DMC1: variants seen among roughly 807,000 people sequenced by gnomAD.
DMC1 encodes DNA meiotic recombinase 1, also known as meiotic recombination protein DMC1 homolog.
A neutral mutation model predicts 50.1 loss-of-function variants in DMC1; 27 were observed. The observed-to-expected ratio is 0.54, with a 90% CI of 0.40 to 0.74. DMC1 has a LOEUF of 0.74. Ranked by LOEUF, DMC1 falls within the 30% of genes least tolerant of loss-of-function variation. DMC1 has a pLI of 0.00. For missense variants in DMC1, 295 were observed against 420.2 expected (o/e 0.70, Z 2.60); for synonymous variants, 148 against 136.1 (o/e 1.09, Z -0.61).
Position 38,538,456 on chromosome 22 carries a change from G to A in DMC1, c.661-47C>T, listed in dbSNP as rs11570425. Reference sequence around the variant, plus strand: ...ATAAACATGCATTTGGAAATTGAAGGAAGACGTTATTTGAATAGAGATCAA... The same window carrying A: ...ATAAACATGCATTTGGAAATTGAAGAAAGACGTTATTTGAATAGAGATCAA... On this transcript the variant is annotated intron_variant, in intron 10 of 13. Coordinates refer to ENST00000216024, the MANE Select transcript of DMC1 (RefSeq NM_007068.4). The A allele has an allele frequency of 2.6e-4, 417 of 1,606,952 alleles. 1 individual carries two copies. The Admixed American group carries it at 3.9e-3, about 15-fold the overall frequency.
At chr22:38,532,894 C>T (rs566672728) in intron 12 of DMC1, among the ~76,000 whole-genome samples, 1 of 152,158 alleles carries the variant, frequency 6.6e-6, no homozygotes, top group Non-Finnish European at 1.5e-5. Context: ...AGGCGTGAGC[C>T]ACCGTGCTTG....
intron 8 of DMC1, among the ~76,000 whole-genome samples, chr22:38,544,290 T>C (rs949423098): frequency 4.6e-5 from 7 of 152,336 alleles, no homozygotes; most frequent in South Asian, 4.1e-4. Context: ...CTGCCTTTCA[T>C]TCTATTCAAA....
intron 8 of DMC1, among the ~76,000 whole-genome samples, chr22:38,541,804 G>A (rs1343714464): frequency 6.6e-6 from 1 of 151,858 alleles, no homozygotes; most frequent in Non-Finnish European, 1.5e-5. Flanking sequence ...TGTAAAACTT[G>A]GGCTTAAATC....
intron 8 of DMC1, 107 bp from the exon 9 acceptor site, chr22:38,539,519 G>A: frequency 1.1e-6 from 1 of 875,116 alleles, no homozygotes; most frequent in South Asian, 1.4e-5. Flanking sequence ...GCCAAACAAT[G>A]TACCTGTGAA....
At chr22:38,511,213 G>T in the DMC1 span, among the ~76,000 whole-genome samples, 1 of 152,162 alleles carries the variant, frequency 6.6e-6, no homozygotes, top group East Asian at 1.9e-4. Flanking sequence ...TAATGAGGAA[G>T]TAAAAGAAGA....
intron 7 of DMC1, 146 bp from the exon 8 acceptor site, chr22:38,550,143 T>C: frequency 1.6e-6 from 1 of 640,330 alleles, no homozygotes; most frequent in Non-Finnish European, 2.8e-6. Flanking sequence ...CAACATGTTA[T>C]ATTTTCATAT....
chr22:38,527,865 G>A (rs1014639589), intron 12 of DMC1, among the ~76,000 whole-genome samples: 2 of 151,970 alleles, frequency 1.3e-5, no homozygotes, highest in Middle Eastern at 3.4e-3. Flanking sequence ...CTTAATAGTT[G>A]TAAAATAAAA....
At chr22:38,550,192 T>TA (rs754347842) in intron 7 of DMC1, among the ~76,000 whole-genome samples, 195 bp from the exon 8 acceptor site, 5 of 152,214 alleles carry the variant, frequency 3.3e-5, no homozygotes, top group Non-Finnish European at 7.3e-5. Context: ...TCTGCCAGCA[T>TA]AGTTGTTATT....
chr22:38,563,441 C>A (rs2090549095), intron 4 of DMC1, among the ~76,000 whole-genome samples: 1 of 152,142 alleles, frequency 6.6e-6, no homozygotes, highest in Non-Finnish European at 1.5e-5. Context: ...TCTTTATTAG[C>A]CACACCAGGT....
chr22:38,514,244 T>TTC (rs2089960879), downstream of DMC1, among the ~76,000 whole-genome samples: 1 of 143,804 alleles, frequency 7.0e-6, no homozygotes, highest in Non-Finnish European at 1.5e-5. Context: ...AGGTTAGGTA[T>TTC]TCTTTTTTTT....
chr22:38,514,516 A>G (rs2089963186), downstream of DMC1, among the ~76,000 whole-genome samples: 1 of 152,038 alleles, frequency 6.6e-6, no homozygotes, highest in African/African-American at 2.4e-5. Flanking sequence ...TGCTGGGATT[A>G]CAGGTGTGAG....
At chr22:38,560,761 T>C (rs959405857) in intron 5 of DMC1, among the ~76,000 whole-genome samples, 1 of 151,864 alleles carries the variant, frequency 6.6e-6, no homozygotes, top group Non-Finnish European at 1.5e-5. Flanking sequence ...AGAAAAAAAA[T>C]AATGAACCAT....
intron 8 of DMC1, among the ~76,000 whole-genome samples, chr22:38,547,807 G>A (rs1036472643): frequency 9.2e-5 from 14 of 152,204 alleles, no homozygotes; most frequent in African/African-American, 3.4e-4. Flanking sequence ...CCAAAGTGCT[G>A]GGATTACAGG....
intron 5 of DMC1, among the ~76,000 whole-genome samples, chr22:38,555,808 A>G (rs1161102623): frequency 6.6e-6 from 1 of 151,880 alleles, no homozygotes; most frequent in Admixed American, 6.6e-5. Context: ...AATTGGAGTT[A>G]CAGATCGTCT....
At chr22:38,535,460 G>A (rs2090200948) in intron 12 of DMC1, among the ~76,000 whole-genome samples, 1 of 151,720 alleles carries the variant, frequency 6.6e-6, no homozygotes, top group Non-Finnish European at 1.5e-5. Flanking sequence ...GAAAAAATGT[G>A]GCAAATTTAA....
Position 38,552,725 on chromosome 22 carries a change from A to G in DMC1, c.380-18T>C. 1 of 1,528,694 alleles carries G rather than the reference A, an allele frequency of 6.5e-7. No homozygotes were observed. The highest frequency in any genetic ancestry group is 9.1e-7 in the Non-Finnish European group (1 of 1,102,952). 94.7% of individuals were successfully genotyped at this position (1,528,694 alleles called of 1,614,324 possible). A position where few individuals can be genotyped will look rare whatever the true frequency, so the allele number is the denominator to read the frequency against. On this transcript the variant is annotated intron_variant, in intron 6 of 13. Coordinates refer to ENST00000216024, the MANE Select transcript of DMC1 (RefSeq NM_007068.4). ...ACGAAATTCTGTGAAATACAGAAAAAAATGATTTTAAAAATGCATAATTTC... is the reference window on the plus strand; with the variant it reads ...ACGAAATTCTGTGAAATACAGAAAAGAATGATTTTAAAAATGCATAATTTC...
At chr22:38,523,473 GTATT>G (rs1265043460) in intron 12 of DMC1, among the ~76,000 whole-genome samples, 1 of 152,138 alleles carries the variant, frequency 6.6e-6, no homozygotes, top group African/African-American at 2.4e-5. Context: ...TGCAAACACT[GTATT>G]TATGCTTCTG....
intron 12 of DMC1, among the ~76,000 whole-genome samples, chr22:38,533,046 G>A (rs1002852293): frequency 6.6e-6 from 1 of 151,966 alleles, no homozygotes; most frequent in South Asian, 2.1e-4. Flanking sequence ...TAACATTTGA[G>A]TAGTTAATAT....
chr22:38,535,607 CT>C (rs200179351), intron 12 of DMC1, among the ~76,000 whole-genome samples: 130 of 143,252 alleles, frequency 9.1e-4, no homozygotes, highest in Admixed American at 1.5e-3. Context: ...TTAAAAAAAT[CT>C]TTTTTTTTTT....
Sources: gnomAD v4.1 joint callset for allele counts (sites outside exome capture counted in the v4.1 genomes callset) on GRCh38, gnomAD v4.1.1 for gene constraint, MANE v1.5 for transcripts, NCBI Gene and HGNC (gene_info 2026-07-23, HGNC 2026-07-21) for gene names.